ATRNL1: variants seen among roughly 807,000 people sequenced by gnomAD.
The protein encoded by ATRNL1 is attractin-like protein 1.
In ATRNL1, 95 loss-of-function variants were observed where a neutral mutation model predicts 182.7. The ratio of observed to expected loss-of-function variants is 0.52; its 90% CI spans 0.44 to 0.62. ATRNL1 has a LOEUF of 0.62. Among genes scored for constraint, ATRNL1 ranks in the 20% least tolerant of loss-of-function variants. ATRNL1 has a pLI of 0.00. For missense variants in ATRNL1, 1,471 were observed against 1,679.5 expected, an observed-to-expected ratio of 0.88 and a Z score of 2.17; for synonymous variants, 576 against 568.3, an observed-to-expected ratio of 1.01 and a Z score of -0.19.
In ATRNL1 at chr10:115,398,263, G is replaced by C. The variant is rs1415809998; in HGVS notation, c.3269+3511G>C. On this transcript the variant is annotated intron_variant, in intron 20 of 28. Transcript: ENST00000355044. ...GTAGTACAGTCAAAATATTCATTTA[G>C]ATGAGCACCAAATGATTCATTTTGC... Among the ~76,000 whole-genome samples the C allele has an allele frequency of 5.9e-5, 9 of 152,102 alleles. No homozygotes were observed. The East Asian group carries it at 1.7e-3, about 29-fold the overall frequency.
chr10:115,319,969 G>T (rs1420845224), intron 18 of ATRNL1, among the ~76,000 whole-genome samples: 1 of 151,682 alleles, frequency 6.6e-6, no homozygotes, highest in Non-Finnish European at 1.5e-5. Context: ...ACTAGTTGAT[G>T]CAGTTTCTTC....
intron 3 of ATRNL1, among the ~76,000 whole-genome samples, chr10:115,126,301 G>A (rs1243134375): frequency 2.6e-5 from 4 of 152,070 alleles, no homozygotes; most frequent in Non-Finnish European, 5.9e-5. Context: ...CTCGTTATCC[G>A]CCTGCCTCCA....
At chr10:115,596,143 T>C (rs984271342) in intron 26 of ATRNL1, among the ~76,000 whole-genome samples, 2 of 152,164 alleles carry the variant, frequency 1.3e-5, no homozygotes, top group Non-Finnish European at 2.9e-5. Context: ...TTTGCTCTTG[T>C]CACCCAAGCA....
At chr10:115,128,412 A>T in intron 4 of ATRNL1, 1 of 723,922 alleles carries the variant, frequency 1.4e-6, no homozygotes, top group Non-Finnish European at 1.7e-6. Context: ...TTCAGAATGT[A>T]GAAATTGGTA....
At chr10:115,210,782 G>T (rs1433788254) in intron 8 of ATRNL1, among the ~76,000 whole-genome samples, 3 of 151,660 alleles carry the variant, frequency 2.0e-5, no homozygotes, top group African/African-American at 7.3e-5. Flanking sequence ...AATTTTCTTA[G>T]TGGTTGGTCT....
intron 26 of ATRNL1, among the ~76,000 whole-genome samples, chr10:115,614,138 T>C (rs1857311543): frequency 6.6e-6 from 1 of 152,126 alleles, no homozygotes; most frequent in African/African-American, 2.4e-5. Context: ...AAAATCTTTC[T>C]ACTTTTATGA....
intron 20 of ATRNL1, among the ~76,000 whole-genome samples, chr10:115,417,259 G>T (rs781838779): frequency 6.6e-6 from 1 of 152,162 alleles, no homozygotes; most frequent in African/African-American, 2.4e-5. Context: ...TTTGCCCACT[G>T]ATATCAGTCT....
chr10:115,120,150 G>C, intron 1 of ATRNL1, 35 bp from the exon 2 acceptor site: 1 of 1,248,754 alleles, frequency 8.0e-7, no homozygotes, highest in Non-Finnish European at 1.2e-6. Flanking sequence ...GTTATTTTAA[G>C]GTAATTATTT....
intron 21 of ATRNL1, among the ~76,000 whole-genome samples, chr10:115,458,021 C>A (rs1476530414): frequency 6.6e-6 from 1 of 152,098 alleles, no homozygotes; most frequent in Non-Finnish European, 1.5e-5. Context: ...GATTTATAGT[C>A]AATCATGTTG....
At position 115,281,484 on chromosome 10, in the gene ATRNL1, C is replaced by T; in HGVS notation, c.2230C>T (p.Pro744Ser). 6.2e-7 allele frequency: 1 copy of T among 1,612,142 alleles called. No individual in the cohort carries two copies. Among genetic ancestry groups the T allele is most frequent in the East Asian group, 2.2e-5 (1 of 44,722 alleles). ...GAGACAGCAAGAATGCCAGGCTTTA[C>T]CAGGTAAAGATTTCAAAATTTAGTA... The part of the protein sequence containing the change: ...DQRQQECQAL[P>S]AHLCGEGWSH... The change falls in exon 14 of 29, where the codon CCA (proline) becomes TCA (serine). Residue 744 changes from proline to serine, a missense_variant. Physicochemically the swap from Pro to Ser is moderately conservative, Grantham distance 74 (BLOSUM62 -1). Around this residue, in one of 3 missense-constraint regions of ATRNL1, gnomAD observed 1,031 missense variants for 1,156.0 expected, o/e 0.89. Transcript: ENST00000355044.
At chr10:115,333,780 C>A (rs965806985) in intron 18 of ATRNL1, among the ~76,000 whole-genome samples, 5 of 152,044 alleles carry the variant, frequency 3.3e-5, no homozygotes, top group Admixed American at 3.3e-4. Context: ...AGCCACCACG[C>A]CTGGCTCAAA....
At chr10:115,631,921 A>G (rs1858537284) in intron 26 of ATRNL1, among the ~76,000 whole-genome samples, 1 of 152,144 alleles carries the variant, frequency 6.6e-6, no homozygotes, top group Admixed American at 6.6e-5. Flanking sequence ...TTAAGGGGAA[A>G]TAAGATTTGG....
intron 17 of ATRNL1, among the ~76,000 whole-genome samples, chr10:115,310,837 G>C (rs114200061): frequency 6.6e-6 from 1 of 151,990 alleles, no homozygotes; most frequent in Non-Finnish European, 1.5e-5. Context: ...TCTGAGATTT[G>C]TTATTTTATT....
At chr10:115,103,074 G>A (rs1554865000) in intron 1 of ATRNL1, among the ~76,000 whole-genome samples, 1 of 133,184 alleles carries the variant, frequency 7.5e-6, no homozygotes, top group African/African-American at 2.9e-5. Context: ...GTCATGCTCT[G>A]TCACTCAGGC....
chr10:115,321,137 A>G (rs11528278), intron 18 of ATRNL1, among the ~76,000 whole-genome samples: 1 of 151,528 alleles, frequency 6.6e-6, no homozygotes, highest in Non-Finnish European at 1.5e-5. Flanking sequence ...TCTTTCAATG[A>G]TCAGGTCCCT....
intron 28 of ATRNL1, among the ~76,000 whole-genome samples, chr10:115,911,519 A>G (rs1952677795): frequency 6.6e-6 from 1 of 152,020 alleles, no homozygotes; most frequent in Admixed American, 6.6e-5. Flanking sequence ...GGATTTCACC[A>G]TGTTGGACAG....
rs529155522 is a variant in ATRNL1 at position 115,658,433 on chromosome 10, T to G, written c.3796-68815T>G. Among the ~76,000 whole-genome samples the G allele has an allele frequency of 1.3e-4, 20 of 152,294 alleles. No homozygotes were observed. In the South Asian group the frequency reaches 4.1e-3, roughly 32 times the overall value. On this transcript the variant is annotated intron_variant, in intron 26 of 28. Transcript: ENST00000355044. ...TGTATATAATATTTATTATATTTGT[T>G]GAATGAATGAAAAATAGACTATTCT...
At chr10:115,201,818 G>T (rs569981231) in intron 8 of ATRNL1, among the ~76,000 whole-genome samples, 3 of 152,052 alleles carry the variant, frequency 2.0e-5, no homozygotes, top group African/African-American at 2.4e-5. Context: ...AAATTACCTT[G>T]GGCAGTATGG....
chr10:115,825,104 G>GC (rs1221756649), intron 27 of ATRNL1, among the ~76,000 whole-genome samples: 1 of 151,996 alleles, frequency 6.6e-6, no homozygotes, highest in Non-Finnish European at 1.5e-5. Context: ...CATGGATGAA[G>GC]CTGGAAACCA....
Sources: allele counts gnomAD v4.1 joint callset (sites outside exome capture counted in the v4.1 genomes callset), GRCh38; gene constraint gnomAD v4.1.1; regional missense constraint gnomAD v4.1.1; transcripts MANE v1.5; gene names NCBI Gene and HGNC (gene_info 2026-07-23, HGNC 2026-07-21).